The following ITGB6 variants were observed in gnomAD, a reference collection of about 807,000 sequenced individuals.
ITGB6 encodes integrin beta-6.
In ITGB6, 80 loss-of-function variants were observed where a neutral mutation model predicts 84.5. The ratio of observed to expected loss-of-function variants is 0.95; its 90% CI spans 0.79 to 1.14. ITGB6 has a LOEUF of 1.14. Ranked by LOEUF, ITGB6 falls within the 50% of genes most tolerant of loss-of-function variation. The pLI, the probability that ITGB6 is intolerant of heterozygous loss-of-function variation, is 0.00. For synonymous variants in ITGB6, 383 were observed against 354.9 expected (o/e 1.08, Z -0.89); for missense variants, 1,006 against 968.0 (o/e 1.04, Z -0.52).
At chr2:160,193,812 T>A (rs1369157670) in intron 4 of ITGB6, among the ~76,000 whole-genome samples, 1 of 152,206 alleles carries the variant, frequency 6.6e-6, no homozygotes, top group African/African-American at 2.4e-5. Flanking sequence ...TGTTTATGGA[T>A]CTGCCATACT....
chr2:160,179,057 C>A (rs1041618146), intron 4 of ITGB6: 2 of 152,072 alleles, frequency 1.3e-5, no homozygotes, highest in East Asian at 3.9e-4. Flanking sequence ...GCACCTCTCA[C>A]CAAATTACTT....
At chr2:160,181,599 A>G (rs970418203) in intron 4 of ITGB6, among the ~76,000 whole-genome samples, 1 of 152,224 alleles carries the variant, frequency 6.6e-6, no homozygotes, top group South Asian at 2.1e-4. Flanking sequence ...CCAGCTCTGA[A>G]CAGAGCAGTG....
intron 12 of ITGB6, among the ~76,000 whole-genome samples, chr2:160,122,115 A>G (rs896201213): frequency 6.6e-6 from 1 of 152,122 alleles, no homozygotes. Context: ...TTTTCTCTCA[A>G]ATTCATCCAG....
intron 10 of ITGB6, among the ~76,000 whole-genome samples, chr2:160,127,315 C>T (rs1049312608): frequency 1.3e-5 from 2 of 152,124 alleles, no homozygotes; most frequent in African/African-American, 2.4e-5. Context: ...TCTCTGAAGC[C>T]TGCTACCTGG....
chr2:160,190,665 A>G (rs1376668045), intron 4 of ITGB6, among the ~76,000 whole-genome samples: 1 of 152,224 alleles, frequency 6.6e-6, no homozygotes, highest in East Asian at 1.9e-4. Flanking sequence ...AAATGAATGA[A>G]TAAATAAATG....
intron 7 of ITGB6, among the ~76,000 whole-genome samples, chr2:160,167,777 A>G (rs1343524254): frequency 2.6e-5 from 4 of 152,302 alleles, no homozygotes; most frequent in South Asian, 2.1e-4. Context: ...CTTAAAGACT[A>G]TTACCAAAGT....
At position 160,196,215 on chromosome 2, in the gene ITGB6, C is replaced by A. The variant is rs1454016213; in HGVS notation, c.346+1G>T. On this transcript the variant is annotated splice_donor_variant, in intron 3 of 14. Transcript: ENST00000283249. LOFTEE classifies it high-confidence loss of function. ...TTTACATGAGCCAAATCCTAACATA[C>A]CTGGTCTCAACTTAAGGATCAAGCT... The A allele has an allele frequency of 6.2e-7, 1 of 1,613,272 alleles. No individual in the cohort carries two copies. The highest frequency in any genetic ancestry group is 1.3e-5 in the African/African-American group (1 of 74,996).
At chr2:160,103,299 A>G (rs944888222) in intron 14 of ITGB6, among the ~76,000 whole-genome samples, 1 of 152,208 alleles carries the variant, frequency 6.6e-6, no homozygotes, top group East Asian at 1.9e-4. Context: ...CAGTGCCCTC[A>G]TTGTGAGTGG....
chr2:160,197,073 A>G (rs890691936), intron 2 of ITGB6, among the ~76,000 whole-genome samples: 12 of 152,154 alleles, frequency 7.9e-5, no homozygotes, highest in African/African-American at 2.4e-4. Flanking sequence ...AGAGTCTTGA[A>G]GTATCCTAGT....
chr2:160,163,257 A>G lies in ITGB6; in HGVS notation c.1017+5955T>C, dbSNP rs182872288. Among the ~76,000 whole-genome samples the G allele has an allele frequency of 2.5e-3, 384 of 152,350 alleles. 1 individual carries two copies. The highest frequency in any genetic ancestry group is 8.7e-3 in the African/African-American group (361 of 41,584). ...ATGAAGTATTTCCTGATCTTAAAGCACTGTGCAATTTACAGGGAATTCATC... is the reference window on the plus strand; with the variant it reads ...ATGAAGTATTTCCTGATCTTAAAGCGCTGTGCAATTTACAGGGAATTCATC... On this transcript the variant is annotated intron_variant, in intron 7 of 14. Transcript: ENST00000283249.
At chr2:160,186,969 G>T (rs889966996) in intron 4 of ITGB6, among the ~76,000 whole-genome samples, 2 of 151,182 alleles carry the variant, frequency 1.3e-5, no homozygotes. Context: ...TGTCGGGGGG[G>T]TGGGAGGCTA....
At chr2:160,172,381 C>T (rs535942819) in intron 6 of ITGB6, among the ~76,000 whole-genome samples, 188 bp downstream of exon 6, 11 of 152,296 alleles carry the variant, frequency 7.2e-5, no homozygotes, top group South Asian at 4.2e-4. Context: ...CATGTCCCAC[C>T]GTCCACCTAT....
chr2:160,122,627 C>T (rs571815664), intron 12 of ITGB6, among the ~76,000 whole-genome samples: 21 of 152,186 alleles, frequency 1.4e-4, no homozygotes, highest in African/African-American at 4.1e-4. Flanking sequence ...TAATGTAAGG[C>T]GCACACCATT....
intron 12 of ITGB6, among the ~76,000 whole-genome samples, chr2:160,118,418 T>A (rs1214720875): frequency 2.0e-5 from 3 of 152,150 alleles, no homozygotes; most frequent in African/African-American, 7.2e-5. Context: ...AAAAACCACA[T>A]GATTATCTCA....
chr2:160,142,043 G>A lies in ITGB6; in HGVS notation c.1046C>T (p.Thr349Ile), dbSNP rs1684018772. Residue 349 changes from threonine (T) to isoleucine (I), a missense_variant, in exon 8 of 15, where the codon ACA becomes ATA. By Grantham distance (89) the Thr-to-Ile change is moderately conservative. Transcript: ENST00000283249. ...GGAGTCCTTCTGAAGTAGACCTACT[G>A]TAGCTCCAGGAATAAGTTTTGCGTA... is the stretch of plus-strand genomic sequence containing the variant. ...ENYAKLIPGA[T>I]VGLLQKDSGN... The A allele has an allele frequency of 6.2e-7, 1 of 1,607,324 alleles. No homozygotes were observed. The highest frequency in any genetic ancestry group is 2.2e-5 in the East Asian group (1 of 44,578).
At chr2:160,173,709 C>G (rs1433183821) in intron 5 of ITGB6, among the ~76,000 whole-genome samples, 2 of 152,080 alleles carry the variant, frequency 1.3e-5, no homozygotes, top group South Asian at 4.2e-4. Flanking sequence ...CTTTGAAAAT[C>G]AATCATGCAT....
intron 7 of ITGB6, among the ~76,000 whole-genome samples, chr2:160,153,544 T>A (rs936303718): frequency 5.9e-5 from 9 of 152,156 alleles, no homozygotes; most frequent in Non-Finnish European, 7.3e-5. Context: ...ACTTCATGAC[T>A]AAAACACCAA....
chr2:160,153,500 G>C (rs976959817), intron 7 of ITGB6, among the ~76,000 whole-genome samples: 3 of 152,096 alleles, frequency 2.0e-5, no homozygotes, highest in African/African-American at 7.2e-5. Context: ...AGAAAACCTA[G>C]GCAATACCAT....
At chr2:160,160,847 G>T (rs570462337) in intron 7 of ITGB6, among the ~76,000 whole-genome samples, 1 of 152,122 alleles carries the variant, frequency 6.6e-6, no homozygotes. Context: ...AGGCTTTAGG[G>T]GATACATGGG....
Sources: gnomAD v4.1 joint callset for allele counts (sites outside exome capture counted in the v4.1 genomes callset) on GRCh38, gnomAD v4.1.1 for gene constraint, MANE v1.5 for transcripts, NCBI Gene and HGNC (gene_info 2026-07-23, HGNC 2026-07-21) for gene names.